The following NOMO1 variants were observed in gnomAD, a reference collection of about 807,000 sequenced individuals.
The protein encoded by NOMO1 is nodal modulator 3.
Under a neutral mutation model 133.8 loss-of-function variants are expected in NOMO1, and 40 were observed. The ratio of observed to expected loss-of-function variants is 0.30; its 90% CI spans 0.23 to 0.39. The LOEUF (loss-of-function observed/expected upper bound fraction) is 0.39, where lower values mean the gene tolerates loss of function less well. Among genes scored for constraint, NOMO1 ranks in the 10% least tolerant of loss-of-function variants. The pLI is 1.00. For synonymous variants in NOMO1, 236 were observed against 570.5 expected, an observed-to-expected ratio of 0.41 and a Z score of 8.36; for missense variants, 462 against 1,419.9, an observed-to-expected ratio of 0.33 and a Z score of 10.84.
intron 16 of NOMO1, among the ~76,000 whole-genome samples, chr16:14,871,415 G>A (rs1013763884): frequency 3.3e-5 from 5 of 152,102 alleles, no homozygotes; most frequent in African/African-American, 7.3e-5. Flanking sequence ...CTGTGATCGC[G>A]CCATTGCATG....
rs1963998256 is a variant in NOMO1 at position 14,866,552 on chromosome 16, C to T, written c.1670-3C>T. ...TATCCGTTTTTGGTGTTTGCTTTTGCAGTAAGCATCATGCATGAGGATTGG... is the reference window on the plus strand; with the variant it reads ...TATCCGTTTTTGGTGTTTGCTTTTGTAGTAAGCATCATGCATGAGGATTGG... On this transcript the variant is annotated splice_polypyrimidine_tract_variant and splice_region_variant and intron_variant, in intron 14 of 30. Transcript: ENST00000287667. 6.2e-7 allele frequency: 1 copy of T among 1,610,110 alleles called. No individual in the cohort carries two copies. The highest frequency in any genetic ancestry group is 2.2e-5 in the East Asian group (1 of 44,528).
At chr16:14,886,681 G>A (rs1357740462) in intron 27 of NOMO1, 80 bp from the exon 28 acceptor site, 13 of 1,609,168 alleles carry the variant, frequency 8.1e-6, no homozygotes, top group Non-Finnish European at 1.1e-5. Context: ...CCCAGAAAGC[G>A]GCTGTCCTGA....
intron 3 of NOMO1, among the ~76,000 whole-genome samples, chr16:14,842,101 A>C (rs1963612265): frequency 6.6e-6 from 1 of 152,026 alleles, no homozygotes; most frequent in Admixed American, 6.6e-5. Context: ...GCCTTCAAGC[A>C]TAGCTGGGGA....
rs199994541 is a variant in NOMO1, at chr16:14,865,110, G to A, written c.1624G>A (p.Ala542Thr). Residue 542 changes from alanine to threonine, a missense_variant, in exon 14 of 31, where the codon GCC becomes ACC. Transcript: ENST00000287667. ...RSLQLSGKVN[A>T]MTFTFDNVLP... ...CCTCCAGCTCTCCGGCAAGGTCAAC[G>A]CCATGACTTTCACCTTTGACAACGT... 6.6e-6 allele frequency: 10 copies of A among 1,511,016 alleles called. No homozygotes were observed. The highest frequency in any genetic ancestry group is 3.4e-5 in the South Asian group (3 of 88,776). 93.6% of individuals were successfully genotyped at this position (1,511,016 alleles called of 1,614,324 possible). A position where few individuals can be genotyped will look rare whatever the true frequency, so the allele number is the denominator to read the frequency against.
intron 2 of NOMO1, among the ~76,000 whole-genome samples, chr16:14,839,120 T>A (rs901905774): frequency 5.9e-5 from 9 of 151,744 alleles, no homozygotes; most frequent in Admixed American, 6.6e-5. Flanking sequence ...AGTGGTGTGA[T>A]CTTGCCTCAC....
chr16:14,856,222 G>C (rs911648540), intron 9 of NOMO1, among the ~76,000 whole-genome samples: 1 of 151,898 alleles, frequency 6.6e-6, no homozygotes, highest in Non-Finnish European at 1.5e-5. Context: ...TCAGATACTG[G>C]TAAGTTTGAT....
In NOMO1 at chr16:14,863,170, G is replaced by A; in HGVS notation, c.1378G>A (p.Gly460Arg). 6.2e-7 allele frequency: 1 copy of A among 1,609,492 alleles called. No homozygotes were observed. The highest frequency in any genetic ancestry group is 8.5e-7 in the Non-Finnish European group (1 of 1,178,528). The change falls in exon 12 of 31, where the codon GGG (glycine) becomes AGG (arginine). Residue 460 changes from glycine (G) to arginine (R), a missense_variant. Gly to Arg is a moderately radical substitution (Grantham distance 125). Transcript: ENST00000287667. The part of the protein sequence containing the change: ...HGSFCFKAKP[G>R]TYKVQVMVPE... ...ATCATTTTGTTTTAAAGCAAAACCA[G>A]GGACTTACAAAGTGCAGGTGCGATG...
chr16:14,890,627 TC>T lies in NOMO1; in HGVS notation c.3444+1414del, dbSNP rs1188902268. The stretch of plus-strand genomic sequence containing the variant: ...TCTTACAGTACTAGAGGCTGGGAAG[TC>T]CAAGATCAAGGCATTGGCAGATTTG... On this transcript the variant is annotated intron_variant, in intron 29 of 30. Coordinates refer to ENST00000287667, the MANE Select transcript of NOMO1 (RefSeq NM_014287.4). 5.3e-5 allele frequency among the ~76,000 whole-genome samples: 3 copies of T among 56,214 alleles called. 1 individual carries two copies. In the East Asian group the frequency reaches 1.3e-3, roughly 25 times the overall value. 36.9% of individuals were successfully genotyped at this position (56,214 alleles called of 152,430 possible).
At chr16:14,892,575 T>A (rs1008649451) in intron 29 of NOMO1, among the ~76,000 whole-genome samples, 2 of 148,798 alleles carry the variant, frequency 1.3e-5, no homozygotes, top group African/African-American at 5.0e-5. Context: ...AACCTGCACA[T>A]TGTGCACATA....
intron 27 of NOMO1, 58 bp downstream of exon 27, chr16:14,884,540 C>T (rs963155775): frequency 7.5e-6 from 12 of 1,608,890 alleles, no homozygotes; most frequent in African/African-American, 5.4e-5. Flanking sequence ...GAGACAAGTA[C>T]GAATGGGATG....
At chr16:14,857,470 G>C in intron 10 of NOMO1, 35 bp from the exon 11 acceptor site, 1 of 1,607,284 alleles carries the variant, frequency 6.2e-7, no homozygotes, top group Non-Finnish European at 8.5e-7. Context: ...TGTTGTTTTT[G>C]GCTTATCTTC....
chr16:14,838,565 T>C lies in NOMO1; in HGVS notation c.255+69T>C. The C allele has an allele frequency of 3.1e-6, 5 of 1,611,170 alleles. No individual in the cohort carries two copies. The South Asian group carries it at 5.5e-5, about 18-fold the overall frequency. ...GTGCCTCACCAGGCTGCATTAACCATGCCCTTTCCTACACTAGCAAATGCT... is the reference window on the plus strand; with the variant it reads ...GTGCCTCACCAGGCTGCATTAACCACGCCCTTTCCTACACTAGCAAATGCT... On this transcript the variant is annotated intron_variant, in intron 2 of 30. Transcript: ENST00000287667.
chr16:14,870,411 T>C (rs553232698), intron 16 of NOMO1, among the ~76,000 whole-genome samples: 8 of 151,622 alleles, frequency 5.3e-5, no homozygotes, highest in Admixed American at 2.0e-4. Flanking sequence ...TACTTGTCTG[T>C]ATTATTGGCC....
intron 4 of NOMO1, among the ~76,000 whole-genome samples, chr16:14,845,756 TG>T (rs1316602208): frequency 6.6e-6 from 1 of 151,670 alleles, no homozygotes; most frequent in Non-Finnish European, 1.5e-5. Context: ...TTGTTAGAGA[TG>T]GGGATCTTGG....
At chr16:14,891,781 G>A (rs905712121) in intron 29 of NOMO1, among the ~76,000 whole-genome samples, 9 of 152,048 alleles carry the variant, frequency 5.9e-5, no homozygotes, top group Non-Finnish European at 1.3e-4. Flanking sequence ...CTCACGTGGA[G>A]CAGTGCTAGG....
chr16:14,873,387 G>T (rs1325791377), intron 18 of NOMO1, among the ~76,000 whole-genome samples: 1 of 133,384 alleles, frequency 7.5e-6, no homozygotes, highest in East Asian at 2.0e-4. Flanking sequence ...GGCAATGGGG[G>T]CCCCAGACTA....
At chr16:14,892,209 C>T (rs1241238799) in intron 29 of NOMO1, among the ~76,000 whole-genome samples, 3 of 151,600 alleles carry the variant, frequency 2.0e-5, no homozygotes, top group Non-Finnish European at 4.4e-5. Flanking sequence ...AGCCCCAGTG[C>T]ACTCCAGCCT....
rs559060999 is a variant in NOMO1 at position 14,884,771 on chromosome 16, C to T, written c.3222+289C>T. Among the ~76,000 whole-genome samples the T allele has an allele frequency of 5.9e-5, 9 of 152,048 alleles. No homozygotes were observed. In the East Asian group the frequency reaches 1.7e-3, roughly 29 times the overall value. On this transcript the variant is annotated intron_variant, in intron 27 of 30. Coordinates refer to ENST00000287667, the MANE Select transcript of NOMO1 (RefSeq NM_014287.4). ...TTATAGTAGAAGCCTGATCAATGATCAATACAATATGGAATCTAACGTGGA... is the reference window on the plus strand; with the variant it reads ...TTATAGTAGAAGCCTGATCAATGATTAATACAATATGGAATCTAACGTGGA...
intron 6 of NOMO1, among the ~76,000 whole-genome samples, chr16:14,850,253 T>G (rs528431727): frequency 1.3e-5 from 2 of 150,960 alleles, no homozygotes; most frequent in African/African-American, 4.9e-5. Context: ...GTATTTTTAG[T>G]AGGGACAGGG....
Sources: allele counts gnomAD v4.1 joint callset (sites outside exome capture counted in the v4.1 genomes callset), GRCh38; gene constraint gnomAD v4.1.1; transcripts MANE v1.5; gene names NCBI Gene and HGNC (gene_info 2026-07-23, HGNC 2026-07-21).